The following TEAD1 variants were observed in gnomAD, a reference collection of about 807,000 sequenced individuals.
TEAD1 encodes transcriptional enhancer factor TEF-1.
A neutral mutation model predicts 54.9 loss-of-function variants in TEAD1; 9 were observed. That is an observed-to-expected ratio of 0.16 (90% confidence interval 0.10 to 0.29). TEAD1 has a LOEUF of 0.29. TEAD1 is among the 10% of genes least tolerant of loss of function. TEAD1 has a pLI of 1.00. For synonymous variants in TEAD1, 200 were observed against 187.8 expected (o/e 1.07, Z -0.53); for missense variants, 387 against 535.9 (o/e 0.72, Z 2.74).
intron 12 of TEAD1, 151 bp from the exon 13 acceptor site, chr11:12,936,958 C>G: frequency 1.6e-6 from 1 of 617,912 alleles, no homozygotes; most frequent in South Asian, 1.9e-5. Flanking sequence ...TTGTAGTGTT[C>G]TGAATCTGTG....
intron 3 of TEAD1, among the ~76,000 whole-genome samples, chr11:12,845,893 A>G (rs901531102): frequency 6.6e-6 from 1 of 152,214 alleles, no homozygotes; most frequent in African/African-American, 2.4e-5. Context: ...AGCATACCAC[A>G]CAGGAAAGAG....
At chr11:12,855,102 C>T (rs1308964973) in intron 3 of TEAD1, among the ~76,000 whole-genome samples, 1 of 152,078 alleles carries the variant, frequency 6.6e-6, no homozygotes, top group Non-Finnish European at 1.5e-5. Context: ...ATGTTCTTTA[C>T]TGCTTCCTCT....
At chr11:12,894,905 T>C (rs1258153381) in intron 9 of TEAD1, among the ~76,000 whole-genome samples, 1 of 152,228 alleles carries the variant, frequency 6.6e-6, no homozygotes, top group Non-Finnish European at 1.5e-5. Flanking sequence ...TTCTTGACAC[T>C]CCAGTACAGT....
chr11:12,716,162 A>G (rs1047450559), intron 2 of TEAD1, among the ~76,000 whole-genome samples: 1 of 152,024 alleles, frequency 6.6e-6, no homozygotes, highest in Non-Finnish European at 1.5e-5. Context: ...GAGGGGGAGC[A>G]GTCTGAACAC....
chr11:12,710,749 T>C (rs1271837326), intron 2 of TEAD1, among the ~76,000 whole-genome samples: 1 of 152,080 alleles, frequency 6.6e-6, no homozygotes, highest in Non-Finnish European at 1.5e-5. Flanking sequence ...AGACATGTCA[T>C]GAAGAGCGTG....
At chr11:12,884,084 C>T (rs1948034753) in intron 9 of TEAD1, among the ~76,000 whole-genome samples, 1 of 151,976 alleles carries the variant, frequency 6.6e-6, no homozygotes, top group Non-Finnish European at 1.5e-5. Context: ...ATACCAGTAA[C>T]ATTGGCATCT....
intron 10 of TEAD1, among the ~76,000 whole-genome samples, chr11:12,916,260 A>G (rs1291916192): frequency 6.6e-6 from 1 of 152,174 alleles, no homozygotes; most frequent in Non-Finnish European, 1.5e-5. Context: ...TCATAAACAC[A>G]AATCAGAAAA....
At chr11:12,751,770 G>A (rs1944874696) in intron 2 of TEAD1, among the ~76,000 whole-genome samples, 1 of 152,084 alleles carries the variant, frequency 6.6e-6, no homozygotes, top group Admixed American at 6.6e-5. Flanking sequence ...AATAGAAGGT[G>A]GGAGAAAGAA....
chr11:12,854,821 C>T (rs562188447), intron 3 of TEAD1, among the ~76,000 whole-genome samples: 1 of 151,016 alleles, frequency 6.6e-6, no homozygotes, highest in African/African-American at 2.4e-5. Flanking sequence ...GTCTCAAACT[C>T]CTGGGCTCAA....
intron 2 of TEAD1, among the ~76,000 whole-genome samples, chr11:12,693,132 A>G (rs1406589506): frequency 6.6e-6 from 1 of 152,208 alleles, no homozygotes; most frequent in Non-Finnish European, 1.5e-5. Context: ...CACAGGGAAC[A>G]TCATGGAAAG....
At chr11:12,853,568 G>A (rs942818005) in intron 3 of TEAD1, among the ~76,000 whole-genome samples, 1 of 152,176 alleles carries the variant, frequency 6.6e-6, no homozygotes, top group African/African-American at 2.4e-5. Context: ...CATAGAGAAT[G>A]AGCCACTAAG....
At chr11:12,786,939 C>G (rs1293745951) in intron 3 of TEAD1, among the ~76,000 whole-genome samples, 1 of 152,168 alleles carries the variant, frequency 6.6e-6, no homozygotes, top group East Asian at 1.9e-4. Flanking sequence ...GACATCAAAG[C>G]TCGGGCATGC....
At chr11:12,696,483 T>A (rs1943585248) in intron 2 of TEAD1, among the ~76,000 whole-genome samples, 1 of 152,202 alleles carries the variant, frequency 6.6e-6, no homozygotes, top group African/African-American at 2.4e-5. Context: ...GGAAACACAG[T>A]TGTGCTGAGG....
intron 2 of TEAD1, among the ~76,000 whole-genome samples, chr11:12,738,484 C>T (rs903216275): frequency 4.6e-5 from 7 of 152,158 alleles, no homozygotes; most frequent in Non-Finnish European, 8.8e-5. Context: ...GGTGGCGTGT[C>T]TCAGCCCTTG....
intron 10 of TEAD1, among the ~76,000 whole-genome samples, chr11:12,913,716 A>G (rs1211224383): frequency 1.3e-5 from 2 of 152,228 alleles, no homozygotes; most frequent in Non-Finnish European, 2.9e-5. Flanking sequence ...AGTATTTGGT[A>G]TATATGTTCA....
chr11:12,835,361 G>T (rs1469976297), intron 3 of TEAD1, among the ~76,000 whole-genome samples: 1 of 152,110 alleles, frequency 6.6e-6, no homozygotes, highest in African/African-American at 2.4e-5. Context: ...TGGTTGGTTT[G>T]AGAAGGAGTG....
At chr11:12,815,783 A>G (rs923725298) in intron 3 of TEAD1, among the ~76,000 whole-genome samples, 7 of 152,252 alleles carry the variant, frequency 4.6e-5, no homozygotes, top group Non-Finnish European at 7.3e-5. Flanking sequence ...CTGTGTTTTC[A>G]GCACTGGGGT....
intron 9 of TEAD1, among the ~76,000 whole-genome samples, chr11:12,883,894 C>T (rs1011433167): frequency 2.0e-4 from 31 of 151,810 alleles, no homozygotes; most frequent in African/African-American, 7.0e-4. Flanking sequence ...ACTCAGGAGG[C>T]TGAGGCAGGA....
chr11:12,740,506 G>C (rs1042680349), intron 2 of TEAD1, among the ~76,000 whole-genome samples: 1 of 152,284 alleles, frequency 6.6e-6, no homozygotes, highest in East Asian at 1.9e-4. Flanking sequence ...ATACCTGAAC[G>C]TGGGTAATTT....
Sources: gnomAD v4.1 joint callset for allele counts (sites outside exome capture counted in the v4.1 genomes callset) on GRCh38, gnomAD v4.1.1 for gene constraint, MANE v1.5 for transcripts, NCBI Gene and HGNC (gene_info 2026-07-23, HGNC 2026-07-21) for gene names.